Variants in KIF5B observed in about 807,000 individuals in gnomAD.
KIF5B encodes kinesin-1 heavy chain.
KIF5B carries 49 observed loss-of-function variants against 132.8 expected under a neutral mutation model. The observed-to-expected ratio is 0.37, with a 90% CI of 0.29 to 0.47. The LOEUF (loss-of-function observed/expected upper bound fraction) is 0.47. Ranked by LOEUF, KIF5B falls within the 20% of genes least tolerant of loss-of-function variation. KIF5B has a pLI of 1.00. For missense variants in KIF5B, 780 were observed against 1,144.0 expected (o/e 0.68, Z 4.59); for synonymous variants, 355 against 369.4 (o/e 0.96, Z 0.45).
At chr10:32,030,515 C>CG (rs1841388992) in intron 14 of KIF5B, among the ~76,000 whole-genome samples, 1 of 122,580 alleles carries the variant, frequency 8.2e-6, no homozygotes. Context: ...AACTTTGTCT[C>CG]AAAAAAAAAA....
At chr10:32,038,717 C>G (rs1427411134) in intron 5 of KIF5B, 61 bp downstream of exon 5, 260 of 938,618 alleles carry the variant, frequency 2.8e-4, no homozygotes, top group Non-Finnish European at 3.1e-5. Flanking sequence ...AGTCTCACAT[C>G]TATTATTAAA....
intron 24 of KIF5B, among the ~76,000 whole-genome samples, chr10:32,016,248 G>A (rs1314219530): frequency 1.3e-5 from 2 of 152,212 alleles, no homozygotes; most frequent in East Asian, 3.9e-4. Flanking sequence ...TCTGAGGTCA[G>A]GAGTACGAGA....
rs1841032401 is a variant in KIF5B at position 32,009,073 on chromosome 10, CTTAAAA to C, written c.*2458_*2463del. Reference sequence around the variant, plus strand: ...AACGCATTTACAACATGCAAGTTAACTTAAAATTAAACGGTGTCTTCCCAAACCAAG... The same window carrying C: ...AACGCATTTACAACATGCAAGTTAACTTAAACGGTGTCTTCCCAAACCAAG... On this transcript the variant is annotated 3_prime_UTR_variant, in exon 26 of 26. Transcript: ENST00000302418. 6.6e-6 allele frequency: 1 copy of C among 152,156 alleles called. No homozygotes were observed. Among genetic ancestry groups the C allele is most frequent in the Non-Finnish European group, 1.5e-5 (1 of 68,030 alleles). 9.4% of individuals were successfully genotyped at this position (152,156 alleles called of 1,614,324 possible).
intron 2 of KIF5B, among the ~76,000 whole-genome samples, chr10:32,046,047 A>C (rs1458261866): frequency 6.6e-6 from 1 of 152,160 alleles, no homozygotes; most frequent in African/African-American, 2.4e-5. Flanking sequence ...CTGACAGCCA[A>C]CTTACTAGAT....
At chr10:32,045,799 T>C (rs937717172) in intron 2 of KIF5B, among the ~76,000 whole-genome samples, 2 of 152,120 alleles carry the variant, frequency 1.3e-5, no homozygotes, top group African/African-American at 4.8e-5. Context: ...AGGATTCAAG[T>C]TTTTCATCAT....
chr10:32,035,449 G>T, intron 10 of KIF5B, 73 bp downstream of exon 10: 2 of 1,324,340 alleles, frequency 1.5e-6, no homozygotes, highest in Non-Finnish European at 2.1e-6. Flanking sequence ...TGGAATAACA[G>T]CTCACATTTT....
chr10:32,012,412 G>A (rs1379499008), intron 25 of KIF5B, among the ~76,000 whole-genome samples: 1 of 152,150 alleles, frequency 6.6e-6, no homozygotes, highest in East Asian at 1.9e-4. Flanking sequence ...GGAAGCAGAG[G>A]TTGCAGTGAG....
intron 15 of KIF5B, among the ~76,000 whole-genome samples, chr10:32,023,791 G>A (rs753664036): frequency 5.9e-5 from 9 of 152,030 alleles, no homozygotes; most frequent in Non-Finnish European, 1.3e-4. Flanking sequence ...CTCTTCAACT[G>A]GACATCCAGA....
At position 32,038,759 on chromosome 10, in the gene KIF5B, T is replaced by C. The variant is rs757267236; in HGVS notation, c.442+19A>G. On this transcript the variant is annotated intron_variant, in intron 5 of 25. Transcript: ENST00000302418. ...TTAACAGATGTTATTTAAAACTGATTAGCAAGAATTTAACTTACCATCTAA... is the reference window on the plus strand; with the variant it reads ...TTAACAGATGTTATTTAAAACTGATCAGCAAGAATTTAACTTACCATCTAA... The C allele has an allele frequency of 3.1e-6, 4 of 1,293,122 alleles. No homozygotes were observed. The East Asian group carries it at 9.3e-5, about 30-fold the overall frequency. 80.1% of individuals were successfully genotyped at this position (1,293,122 alleles called of 1,614,324 possible).
At chr10:32,047,600 TATA>T (rs763478890) in intron 2 of KIF5B, among the ~76,000 whole-genome samples, 71 of 152,310 alleles carry the variant, frequency 4.7e-4, no homozygotes, top group South Asian at 8.3e-4. Context: ...ATGAAATTGA[TATA>T]ATGAGTACAT....
At chr10:32,048,627 TATA>T (rs1267352397) in intron 1 of KIF5B, 76 bp from the exon 2 acceptor site, 2 of 1,007,698 alleles carry the variant, frequency 2.0e-6, no homozygotes, top group African/African-American at 3.2e-5. Flanking sequence ...GATGCCATCA[TATA>T]ATATATTTAA....
intron 24 of KIF5B, among the ~76,000 whole-genome samples, chr10:32,016,889 A>G (rs190423194): frequency 6.6e-6 from 1 of 152,256 alleles, no homozygotes; most frequent in Non-Finnish European, 1.5e-5. Context: ...TTTTCTTGCA[A>G]TTCTCTTGGC....
chr10:32,040,291 A>T, intron 3 of KIF5B, 93 bp downstream of exon 3: 1 of 792,544 alleles, frequency 1.3e-6, no homozygotes. Flanking sequence ...TAAAGAGTAA[A>T]TTAAAATGTT....
intron 13 of KIF5B, 61 bp downstream of exon 13, chr10:32,032,645 G>T: frequency 7.9e-7 from 1 of 1,272,722 alleles, no homozygotes; most frequent in Non-Finnish European, 1.2e-6. Context: ...AAAGTCAATG[G>T]GATTCAGAAA....
At chr10:32,016,764 G>A (rs1841174374) in intron 24 of KIF5B, among the ~76,000 whole-genome samples, 1 of 152,130 alleles carries the variant, frequency 6.6e-6, no homozygotes, top group African/African-American at 2.4e-5. Flanking sequence ...TCGAACTTCT[G>A]ACCTCAGGTG....
Position 32,034,721 on chromosome 10 carries a change from C to A in KIF5B, c.1080G>T (p.Trp360Cys), listed in dbSNP as rs747947632. The change falls in exon 11 of 26, where the codon TGG becomes TGT. Residue 360 changes from tryptophan (W) to cysteine (C), a missense_variant. Trp to Cys is a radical substitution (Grantham distance 215). This residue lies in a region of KIF5B where 471 missense variants were observed against 569.9 expected (regional missense o/e 0.83). Coordinates refer to ENST00000302418, the MANE Select transcript of KIF5B (RefSeq NM_004521.3). ...KNKILRNTIQ[W>C]LENELNRWRN... The stretch of plus-strand genomic sequence containing the variant: ...GCCATCTGTTGAGCTCATTTTCAAG[C>A]CACTGAATAGTGTTCCGCAGGATCT... The A allele has an allele frequency of 3.7e-6, 6 of 1,600,244 alleles. No individual in the cohort carries two copies. Among genetic ancestry groups the A allele is most frequent in the Non-Finnish European group, 5.1e-6 (6 of 1,174,888 alleles).
intron 2 of KIF5B, among the ~76,000 whole-genome samples, chr10:32,043,685 T>C (rs143303776): frequency 6.6e-6 from 1 of 152,334 alleles, no homozygotes; most frequent in Non-Finnish European, 1.5e-5. Flanking sequence ...AGAATACAAG[T>C]GGATAAACCT....
At chr10:32,031,358 A>T in intron 13 of KIF5B, 79 bp from the exon 14 acceptor site, 6 of 1,061,868 alleles carry the variant, frequency 5.7e-6, no homozygotes, top group Non-Finnish European at 8.5e-6. Context: ...ACCATTTGTC[A>T]AGAACAAATG....
intron 25 of KIF5B, among the ~76,000 whole-genome samples, chr10:32,013,762 A>G (rs1841117110): frequency 6.6e-6 from 1 of 152,216 alleles, no homozygotes; most frequent in Non-Finnish European, 1.5e-5. Flanking sequence ...AAGTACTGTA[A>G]AACAAGTCAG....
Sources: gnomAD v4.1 joint callset for allele counts (sites outside exome capture counted in the v4.1 genomes callset) on GRCh38, gnomAD v4.1.1 for gene constraint, gnomAD v4.1.1 regional missense constraint, MANE v1.5 for transcripts, NCBI Gene and HGNC (gene_info 2026-07-23, HGNC 2026-07-21) for gene names.